Variants in RGL1 observed in about 807,000 individuals in gnomAD.
The protein encoded by RGL1 is ral guanine nucleotide dissociation stimulator-like 1.
A neutral mutation model predicts 95.2 loss-of-function variants in RGL1; 24 were observed. That is an observed-to-expected ratio of 0.25 (90% confidence interval 0.18 to 0.35). RGL1 has a LOEUF of 0.35. Among genes scored for constraint, RGL1 ranks in the 10% least tolerant of loss-of-function variants. The pLI is 1.00. For missense variants in RGL1, 715 were observed against 936.3 expected, an observed-to-expected ratio of 0.76 and a Z score of 3.08; for synonymous variants, 329 against 344.9, an observed-to-expected ratio of 0.95 and a Z score of 0.51.
Position 183,880,525 on chromosome 1 carries a change from G to A in RGL1, c.426-91G>A. 4 of 1,153,330 alleles carry A rather than the reference G, an allele frequency of 3.5e-6. No homozygotes were observed. The South Asian group carries it at 6.0e-5, about 17-fold the overall frequency. The allele number at this position is 1,153,330 out of a possible 1,614,324, so 71.4% of individuals were successfully genotyped here. A position where few individuals can be genotyped will look rare whatever the true frequency, so the allele number is the denominator to read the frequency against. ...GTTGACCACCCACCCAAGTTTCCAG[G>A]GGTGCCCCTGGGGTCCACCCTGGTG... On this transcript the variant is annotated intron_variant, in intron 4 of 17. Coordinates refer to ENST00000360851, the MANE Select transcript of RGL1 (RefSeq NM_001297671.3).
intron 2 of RGL1, among the ~76,000 whole-genome samples, chr1:183,790,404 C>A (rs975861689): frequency 6.6e-6 from 1 of 152,276 alleles, no homozygotes; most frequent in East Asian, 1.9e-4. Flanking sequence ...CCTTCTGGAC[C>A]ATGTAAGGCA....
chr1:183,677,707 G>A (rs1572263042), intron 1 of RGL1, among the ~76,000 whole-genome samples: 1 of 152,232 alleles, frequency 6.6e-6, no homozygotes, highest in East Asian at 1.9e-4. Flanking sequence ...AAACTGCACA[G>A]TATCCCTCAA....
At chr1:183,781,538 C>T (rs1231917692) in intron 2 of RGL1, among the ~76,000 whole-genome samples, 1 of 152,102 alleles carries the variant, frequency 6.6e-6, no homozygotes, top group Non-Finnish European at 1.5e-5. Flanking sequence ...ATTTCTCCAC[C>T]CCATCTGATC....
chr1:183,650,369 C>G (rs1650639677), intron 1 of RGL1, among the ~76,000 whole-genome samples: 1 of 151,992 alleles, frequency 6.6e-6, no homozygotes, highest in Admixed American at 6.5e-5. Context: ...TGGTGAAACC[C>G]CGTCTCTACT....
intron 1 of RGL1, among the ~76,000 whole-genome samples, chr1:183,640,403 G>A (rs1450546198): frequency 2.0e-5 from 3 of 151,934 alleles, no homozygotes; most frequent in African/African-American, 7.3e-5. Context: ...TGCTCTCCTG[G>A]CTCTAGTTTG....
intron 2 of RGL1, among the ~76,000 whole-genome samples, chr1:183,759,486 A>G (rs1680509348): frequency 1.3e-5 from 2 of 152,180 alleles, no homozygotes. Flanking sequence ...ATGCTCTCTG[A>G]CTTTTGTTAT....
At chr1:183,837,831 C>T (rs1663774773) in intron 2 of RGL1, among the ~76,000 whole-genome samples, 1 of 152,148 alleles carries the variant, frequency 6.6e-6, no homozygotes, top group East Asian at 1.9e-4. Flanking sequence ...GATCATCAGG[C>T]ATTAGTTAGA....
chr1:183,656,241 G>C (rs182563660), intron 1 of RGL1, among the ~76,000 whole-genome samples: 245 of 151,856 alleles, frequency 1.6e-3, no homozygotes, highest in Admixed American at 2.2e-3. Flanking sequence ...CTCTTTCCCC[G>C]TGGGATCTGA....
chr1:183,712,477 C>G (rs1414627585), intron 1 of RGL1, among the ~76,000 whole-genome samples: 1 of 152,154 alleles, frequency 6.6e-6, no homozygotes, highest in African/African-American at 2.4e-5. Context: ...AAAAGAGAGA[C>G]AGAGTGAGAG....
chr1:183,701,208 G>C (rs532172721), intron 1 of RGL1, among the ~76,000 whole-genome samples: 1 of 152,190 alleles, frequency 6.6e-6, no homozygotes, highest in Non-Finnish European at 1.5e-5. Context: ...TAGATCCTAG[G>C]TTTTGGTTTT....
rs774786631 is a variant in RGL1, at chr1:183,648,794, T to C, written c.-33+12293T>C. ...ATATGGGCTCCATTGCTAGATTTAC[T>C]GTCTTCTAGCTGCAAACCTAAACAA... On this transcript the variant is annotated intron_variant, in intron 1 of 18. Transcript: ENST00000304685. 3.8e-6 allele frequency: 6 copies of C among 1,564,900 alleles called. No homozygotes were observed. The East Asian group carries it at 1.4e-4, about 35-fold the overall frequency.
At chr1:183,679,798 T>C (rs1192097291) in intron 1 of RGL1, among the ~76,000 whole-genome samples, 1 of 152,212 alleles carries the variant, frequency 6.6e-6, no homozygotes, top group Non-Finnish European at 1.5e-5. Context: ...CACACTGTCT[T>C]CCACAATGGT....
intron 1 of RGL1, among the ~76,000 whole-genome samples, chr1:183,644,149 A>C (rs772187523): frequency 2.6e-5 from 4 of 152,192 alleles, no homozygotes; most frequent in Non-Finnish European, 4.4e-5. Context: ...CAGACTTTGT[A>C]GTGAATCTGC....
At chr1:183,732,772 A>G (rs969074698) in intron 1 of RGL1, among the ~76,000 whole-genome samples, 12 of 152,172 alleles carry the variant, frequency 7.9e-5, no homozygotes, top group Non-Finnish European at 4.4e-5. Flanking sequence ...GCAATTTTAA[A>G]GAAAAAAAAT....
intron 2 of RGL1, among the ~76,000 whole-genome samples, chr1:183,782,450 AT>A (rs1401300702): frequency 3.3e-5 from 5 of 152,244 alleles, no homozygotes; most frequent in Non-Finnish European, 7.3e-5. Flanking sequence ...AGCGTGTTCA[AT>A]CACAGTTAAA....
At chr1:183,696,829 G>T (rs1432671973) in intron 1 of RGL1, among the ~76,000 whole-genome samples, 1 of 152,080 alleles carries the variant, frequency 6.6e-6, no homozygotes. Flanking sequence ...AAATCCTACT[G>T]TACCTATGTT....
At chr1:183,688,559 G>T (rs1275182667) in intron 1 of RGL1, among the ~76,000 whole-genome samples, 1 of 152,012 alleles carries the variant, frequency 6.6e-6, no homozygotes, top group African/African-American at 2.4e-5. Flanking sequence ...TGACGCCTCT[G>T]CAACCATTTA....
At chr1:183,790,052 C>T (rs1660370725) in intron 2 of RGL1, among the ~76,000 whole-genome samples, 2 of 151,796 alleles carry the variant, frequency 1.3e-5, no homozygotes, top group South Asian at 4.2e-4. Context: ...TCCCGAGTAG[C>T]TGGGATTACA....
chr1:183,844,724 G>T (rs6424914), intron 2 of RGL1, among the ~76,000 whole-genome samples: 13,712 of 152,084 alleles, frequency 0.09, 655 homozygotes, highest in South Asian at 0.11. Context: ...GGTACTACAA[G>T]GTTTGTTCTA....
Sources: gnomAD v4.1 joint callset for allele counts (sites outside exome capture counted in the v4.1 genomes callset) on GRCh38, gnomAD v4.1.1 for gene constraint, MANE v1.5 for transcripts, NCBI Gene and HGNC (gene_info 2026-07-23, HGNC 2026-07-21) for gene names.